The following STK11 variants were observed in gnomAD, a reference collection of about 807,000 sequenced individuals.
STK11 encodes the protein serine/threonine-protein kinase STK11.
STK11 carries 8 observed loss-of-function variants against 47.3 expected under a neutral mutation model. The ratio of observed to expected loss-of-function variants is 0.17; its 90% CI spans 0.10 to 0.31. The LOEUF is 0.31. Among genes scored for constraint, STK11 ranks in the 10% least tolerant of loss-of-function variants. The pLI is 1.00. For synonymous variants in STK11, 330 were observed against 255.8 expected (o/e 1.29, Z -2.77); for missense variants, 475 against 605.0 (o/e 0.79, Z 2.25).
At chr19:1,211,771 C>T (rs1422731326) in intron 1 of STK11, among the ~76,000 whole-genome samples, 2 of 152,268 alleles carry the variant, frequency 1.3e-5, no homozygotes, top group Non-Finnish European at 2.9e-5. Flanking sequence ...CCGCGGTGTC[C>T]AGCCAGGAGG....
intron 8 of STK11, 25 bp from the exon 9 acceptor site, chr19:1,226,429 G>T: frequency 6.2e-7 from 1 of 1,605,198 alleles, no homozygotes. Context: ...CTCAGCTCAG[G>T]CCACACTTGC....
chr19:1,221,191 C>T (rs2030846317), intron 5 of STK11, 22 bp from the exon 6 acceptor site: 2 of 1,610,964 alleles, frequency 1.2e-6, no homozygotes, highest in East Asian at 4.5e-5. Flanking sequence ...CCACGCCTTT[C>T]TTCCCTCCCC....
intron 1 of STK11, among the ~76,000 whole-genome samples, chr19:1,216,785 T>G (rs1000755581): frequency 9.9e-5 from 15 of 151,268 alleles, no homozygotes; most frequent in African/African-American, 3.4e-4. Flanking sequence ...GGAGGATCGC[T>G]TGAGCCTGGG....
intron 6 of STK11, 51 bp downstream of exon 6, chr19:1,221,391 G>A (rs2145427504): frequency 6.5e-7 from 1 of 1,545,202 alleles, no homozygotes; most frequent in Non-Finnish European, 8.7e-7. Context: ...GGGCTTTTGT[G>A]CAGAAATGTA....
intron 6 of STK11, chr19:1,221,556 C>A: frequency 1.4e-6 from 1 of 723,554 alleles, no homozygotes; most frequent in East Asian, 2.8e-5. Context: ...CGAACTCCCA[C>A]CCCAGAGGGC....
At chr19:1,218,890 C>T (rs1216108078) in intron 2 of STK11, among the ~76,000 whole-genome samples, 1 of 152,202 alleles carries the variant, frequency 6.6e-6, no homozygotes, top group Non-Finnish European at 1.5e-5. Context: ...CGGGCACAGC[C>T]TCCCTACGGG....
chr19:1,212,548 C>G (rs183746780), intron 1 of STK11, among the ~76,000 whole-genome samples: 228 of 151,662 alleles, frequency 1.5e-3, no homozygotes, highest in Non-Finnish European at 1.9e-3. Flanking sequence ...CACTGCTTCG[C>G]CACGTTCACC....
intron 1 of STK11, among the ~76,000 whole-genome samples, chr19:1,209,842 C>T (rs1337199700): frequency 6.6e-6 from 1 of 151,938 alleles, no homozygotes; most frequent in Non-Finnish European, 1.5e-5. Context: ...TGGCCCAGTG[C>T]CTGGGAGAAC....
At position 1,219,417 on chromosome 19, in the gene STK11, C is replaced by A. The variant is rs373167735; in HGVS notation, c.464+4C>A. ...TCCCAGTGTGCCAGGCCCACGGGTG[C>A]GTGCGCGGGGCAGGGGCCAGGGTGG... On this transcript the variant is annotated splice_donor_region_variant and intron_variant, in intron 3 of 9. Transcript: ENST00000326873. 1 of 1,026,004 alleles carries A rather than the reference C, an allele frequency of 9.7e-7. No individual in the cohort carries two copies. The highest frequency in any genetic ancestry group is 1.4e-6 in the Non-Finnish European group (1 of 723,298). 63.6% of individuals were successfully genotyped at this position (1,026,004 alleles called of 1,614,324 possible).
chr19:1,212,274 T>A (rs1034345831), intron 1 of STK11, among the ~76,000 whole-genome samples: 20 of 47,348 alleles, frequency 4.2e-4, no homozygotes, highest in African/African-American at 1.7e-3. Context: ...TCTTAACACC[T>A]TTTTTTTTTT....
At chr19:1,212,227 A>G (rs539452549) in intron 1 of STK11, among the ~76,000 whole-genome samples, 103 of 146,374 alleles carry the variant, frequency 7.0e-4, no homozygotes, top group African/African-American at 2.4e-3. Context: ...CGTATATCCC[A>G]CAAACGCCAC....
chr19:1,208,896 A>G (rs1033642951), intron 1 of STK11, among the ~76,000 whole-genome samples: 7 of 150,434 alleles, frequency 4.7e-5, no homozygotes, highest in African/African-American at 1.7e-4. Context: ...GCTGGGATTA[A>G]AGGCGTGAGC....
intron 8 of STK11, chr19:1,224,374 C>G: frequency 1.0e-6 from 1 of 985,338 alleles, no homozygotes. Context: ...GTACCCTGGT[C>G]ACTAGGGTGT....
Position 1,228,025 on chromosome 19 carries a change from GTTTT to G in STK11, c.*452_*455del. 2 of 1,066,706 alleles carry G rather than the reference GTTTT, an allele frequency of 1.9e-6. No homozygotes were observed. Among genetic ancestry groups the G allele is most frequent in the Non-Finnish European group, 2.3e-6 (2 of 880,198 alleles). 66.1% of individuals were successfully genotyped at this position (1,066,706 alleles called of 1,614,324 possible). On this transcript the variant is annotated 3_prime_UTR_variant, in exon 10 of 10. Transcript: ENST00000326873. Reference sequence around the variant, plus strand: ...ACCTGGAAGCCGCGCGGCCGCTTTGGTTTTTTGTTTGGTTGGTTCCATTTTCTTT... The same window carrying G: ...ACCTGGAAGCCGCGCGGCCGCTTTGGTTGTTTGGTTGGTTCCATTTTCTTT...
intron 1 of STK11, among the ~76,000 whole-genome samples, chr19:1,215,677 C>T (rs1031121562): frequency 2.0e-5 from 3 of 152,182 alleles, no homozygotes; most frequent in Non-Finnish European, 4.4e-5. Context: ...GCCAAGGCTT[C>T]CTGCAAGAGG....
At chr19:1,223,508 G>T in intron 8 of STK11, 1 of 926,086 alleles carries the variant, frequency 1.1e-6, no homozygotes, top group Non-Finnish European at 1.4e-6. Context: ...GGTCGGGGGA[G>T]GGTAGGTGAG....
intron 3 of STK11, 54 bp downstream of exon 3, chr19:1,219,467 G>C (rs2145422795): frequency 7.8e-5 from 110 of 1,417,394 alleles, no homozygotes; most frequent in Non-Finnish European, 9.5e-5. Flanking sequence ...GCCAGGCAGG[G>C]CAGGCTCCTT....
In STK11 at chr19:1,221,725, C is replaced by T. The variant is rs180891897; in HGVS notation, c.863-224C>T. 2,068 of 610,960 alleles carry T rather than the reference C, an allele frequency of 3.4e-3. 8 individuals are homozygous for T. Among genetic ancestry groups the T allele is most frequent in the Non-Finnish European group, 5.0e-3 (1,751 of 348,496 alleles). 37.8% of individuals were successfully genotyped at this position (610,960 alleles called of 1,614,324 possible). On this transcript the variant is annotated intron_variant, in intron 6 of 9. Coordinates refer to ENST00000326873, the MANE Select transcript of STK11 (RefSeq NM_000455.5). The stretch of plus-strand genomic sequence containing the variant: ...CTTGGGAGAACGGAACCGCCCTGGC[C>T]GTCCAGCCCAGCCCTGTCTCCCTGC...
intron 2 of STK11, 59 bp from the exon 3 acceptor site, chr19:1,219,265 G>C (rs951854010): frequency 6.5e-7 from 1 of 1,542,206 alleles, no homozygotes; most frequent in Non-Finnish European, 8.8e-7. Flanking sequence ...TCTGGCCCCC[G>C]TGCTCCCTGG....
Sources: allele counts gnomAD v4.1 joint callset (sites outside exome capture counted in the v4.1 genomes callset), GRCh38; gene constraint gnomAD v4.1.1; transcripts MANE v1.5; gene names NCBI Gene and HGNC (gene_info 2026-07-23, HGNC 2026-07-21).